TBPL1: variants seen among roughly 807,000 people sequenced by gnomAD.
TBPL1 encodes TATA box-binding protein-like 1.
In TBPL1, 4 loss-of-function variants were observed where a neutral mutation model predicts 22.1. That is an observed-to-expected ratio of 0.18 (90% CI 0.09 to 0.41). The LOEUF (loss-of-function observed/expected upper bound fraction) is 0.41. TBPL1 is among the 10% of genes least tolerant of loss of function. The pLI is 1.00. For synonymous variants in TBPL1, 64 were observed against 71.0 expected (o/e 0.90, Z 0.50); for missense variants, 115 against 222.3 (o/e 0.52, Z 3.07).
At chr6:133,962,355 G>C (rs1033304453) in intron 1 of TBPL1, among the ~76,000 whole-genome samples, 1 of 152,194 alleles carries the variant, frequency 6.6e-6, no homozygotes, top group Non-Finnish European at 1.5e-5. Flanking sequence ...TTAGAAGCCT[G>C]TAGCCATAAT....
intron 1 of TBPL1, among the ~76,000 whole-genome samples, chr6:133,961,465 C>CTTTTT (rs61695774): frequency 4.7e-4 from 47 of 100,184 alleles, no homozygotes; most frequent in South Asian, 6.2e-4. Context: ...TTCTTTCTTT[C>CTTTTT]TTTTTTTTTT....
chr6:133,972,931 T>C (rs1408612700), intron 1 of TBPL1, among the ~76,000 whole-genome samples: 1 of 152,158 alleles, frequency 6.6e-6, no homozygotes, highest in African/African-American at 2.4e-5. Flanking sequence ...AATGAGGATT[T>C]AGAGAGCGGT....
chr6:133,975,790 A>G (rs1253872937), intron 1 of TBPL1, among the ~76,000 whole-genome samples: 2 of 152,208 alleles, frequency 1.3e-5, no homozygotes, highest in Non-Finnish European at 2.9e-5. Flanking sequence ...CTGGAGGGAA[A>G]GGTGAGGAGG....
intron 1 of TBPL1, among the ~76,000 whole-genome samples, chr6:133,959,100 TG>T: frequency 6.6e-6 from 1 of 151,974 alleles, no homozygotes; most frequent in East Asian, 1.9e-4. Flanking sequence ...AGTGCGGTGG[TG>T]GCATCTCAGC....
chr6:133,987,648 G>GTATATATATATATATATATATATATA lies in TBPL1; in HGVS notation c.*627_*628insATATATATATATATATATATATATAT, dbSNP rs59102121. The GTATATATATATATATATATATATATA allele has an allele frequency of 5.7e-5, 5 of 88,370 alleles. 1 individual carries two copies. Among genetic ancestry groups the GTATATATATATATATATATATATATA allele is most frequent in the Admixed American group, 1.1e-4 (1 of 9,444 alleles). 5.5% of individuals were successfully genotyped at this position (88,370 alleles called of 1,614,324 possible). A position where few individuals can be genotyped will look rare whatever the true frequency, so the allele number is the denominator to read the frequency against. ...TTTGTGTGTGTGTGTGTGTGTGTGT[G>GTATATATATATATATATATATATATA]TATATATATATATATATATGCACCA... On this transcript the variant is annotated 3_prime_UTR_variant, in exon 7 of 7. Coordinates refer to ENST00000237264, the MANE Select transcript of TBPL1 (RefSeq NM_004865.4).
At chr6:133,973,726 A>G (rs1776264044) in intron 1 of TBPL1, among the ~76,000 whole-genome samples, 1 of 152,210 alleles carries the variant, frequency 6.6e-6, no homozygotes, top group South Asian at 2.1e-4. Context: ...TCTATGATGT[A>G]TTTTAATAGA....
chr6:133,973,677 T>G (rs1400770869), intron 1 of TBPL1, among the ~76,000 whole-genome samples: 2 of 152,210 alleles, frequency 1.3e-5, no homozygotes, highest in Non-Finnish European at 2.9e-5. Context: ...TGTGTTCTTG[T>G]ACACAAAATC....
At chr6:133,978,705 C>T (rs929319582) in intron 1 of TBPL1, among the ~76,000 whole-genome samples, 15 of 152,070 alleles carry the variant, frequency 9.9e-5, no homozygotes, top group African/African-American at 3.4e-4. Context: ...GAATTGAATG[C>T]CATATGGTCT....
At chr6:133,982,358 G>T (rs1194156731) in intron 2 of TBPL1, among the ~76,000 whole-genome samples, 2 of 152,122 alleles carry the variant, frequency 1.3e-5, no homozygotes, top group Non-Finnish European at 2.9e-5. Flanking sequence ...TATACACCTT[G>T]TATTTTTAAT....
chr6:133,964,057 G>T (rs1484388453), intron 1 of TBPL1, among the ~76,000 whole-genome samples: 1 of 151,924 alleles, frequency 6.6e-6, no homozygotes, highest in Non-Finnish European at 1.5e-5. Flanking sequence ...AAGAACCAAT[G>T]TTCCAATCAG....
At chr6:133,976,973 A>C (rs924171440) in intron 1 of TBPL1, among the ~76,000 whole-genome samples, 1 of 149,444 alleles carries the variant, frequency 6.7e-6, no homozygotes, top group Non-Finnish European at 1.5e-5. Flanking sequence ...GTCTCAAAAA[A>C]AAAAAAAAAG....
intron 1 of TBPL1, among the ~76,000 whole-genome samples, chr6:133,979,240 A>G (rs1164859272): frequency 6.6e-6 from 1 of 152,250 alleles, no homozygotes; most frequent in Non-Finnish European, 1.5e-5. Context: ...TTCAGAAAGA[A>G]AATAATGAAT....
intron 1 of TBPL1, among the ~76,000 whole-genome samples, chr6:133,978,221 G>A (rs1776348621): frequency 6.6e-6 from 1 of 152,152 alleles, no homozygotes; most frequent in African/African-American, 2.4e-5. Context: ...GGGAAGTAGT[G>A]CTAAGAAATC....
At chr6:133,978,045 T>G (rs1776344516) in intron 1 of TBPL1, among the ~76,000 whole-genome samples, 1 of 152,198 alleles carries the variant, frequency 6.6e-6, no homozygotes, top group Admixed American at 6.5e-5. Context: ...CCAGGGAGGC[T>G]GACATCTATA....
chr6:133,984,156 T>C (rs1776466313), intron 4 of TBPL1, among the ~76,000 whole-genome samples: 1 of 152,220 alleles, frequency 6.6e-6, no homozygotes, highest in Non-Finnish European at 1.5e-5. Context: ...GTTTTGATCA[T>C]GCAAATACCT....
chr6:133,975,769 A>G (rs1419290950), intron 1 of TBPL1, among the ~76,000 whole-genome samples: 1 of 152,232 alleles, frequency 6.6e-6, no homozygotes, highest in Non-Finnish European at 1.5e-5. Context: ...AATTGAAAGT[A>G]GAGGCTTTCT....
rs1776594792 is a variant in TBPL1 at position 133,989,762 on chromosome 6, A to G, written c.*2722A>G. 1 of 152,220 alleles carries G rather than the reference A, an allele frequency of 6.6e-6. No individual in the cohort carries two copies. The highest frequency in any genetic ancestry group is 1.5e-5 in the Non-Finnish European group (1 of 68,038). 9.4% of individuals were successfully genotyped at this position (152,220 alleles called of 1,614,324 possible). ...TTGTTATAAAGGAATGTAATAGATCATGTTTCCTTATATGACATTGGGACA... is the reference window on the plus strand; with the variant it reads ...TTGTTATAAAGGAATGTAATAGATCGTGTTTCCTTATATGACATTGGGACA... On this transcript the variant is annotated 3_prime_UTR_variant, in exon 7 of 7. Transcript: ENST00000237264.
intron 1 of TBPL1, among the ~76,000 whole-genome samples, chr6:133,976,814 C>G (rs1350085552): frequency 1.3e-5 from 2 of 152,042 alleles, no homozygotes; most frequent in Non-Finnish European, 2.9e-5. Context: ...TGGTGAAACC[C>G]TGTCTCTACT....
chr6:133,988,432 A>T lies in TBPL1; in HGVS notation c.*1392A>T, dbSNP rs2114402833. The T allele has an allele frequency of 6.6e-6, 1 of 152,328 alleles. No individual in the cohort carries two copies. The allele number at this position is 152,328 out of a possible 1,614,324, so 9.4% of individuals were successfully genotyped here. On this transcript the variant is annotated 3_prime_UTR_variant, in exon 7 of 7. Coordinates refer to ENST00000237264, the MANE Select transcript of TBPL1 (RefSeq NM_004865.4). Reference sequence around the variant, plus strand: ...GCTTCTCAGGAGAAACTTAATGGGGACAATATTCCAACACAATGTTCCACA... The same window carrying T: ...GCTTCTCAGGAGAAACTTAATGGGGTCAATATTCCAACACAATGTTCCACA...
Sources: gnomAD v4.1 joint callset for allele counts (sites outside exome capture counted in the v4.1 genomes callset) on GRCh38, gnomAD v4.1.1 for gene constraint, MANE v1.5 for transcripts, NCBI Gene and HGNC (gene_info 2026-07-23, HGNC 2026-07-21) for gene names.